KHDRBS2: variants seen among roughly 807,000 people sequenced by gnomAD.
KHDRBS2 encodes the protein KH domain-containing, RNA-binding, signal transduction-associated protein 2.
KHDRBS2 carries 26 observed loss-of-function variants against 44.3 expected under a neutral mutation model. That is an observed-to-expected ratio of 0.59 (90% CI 0.43 to 0.81). The LOEUF is 0.81. Ranked by LOEUF, KHDRBS2 falls within the 40% of genes least tolerant of loss-of-function variation. The pLI is 0.00. For synonymous variants in KHDRBS2, 194 were observed against 151.1 expected (o/e 1.28, Z -2.08); for missense variants, 476 against 433.1 (o/e 1.10, Z -0.88).
chr6:62,211,755 T>G (rs1484684404), intron 1 of KHDRBS2, among the ~76,000 whole-genome samples: 1 of 152,304 alleles, frequency 6.6e-6, no homozygotes, highest in South Asian at 2.1e-4. Context: ...GGGCGATACC[T>G]GAAAGACCTC....
At chr6:61,696,620 T>C (rs967574311) in intron 8 of KHDRBS2, among the ~76,000 whole-genome samples, 6 of 152,144 alleles carry the variant, frequency 3.9e-5, no homozygotes, top group Admixed American at 6.6e-5. Context: ...TGATATATCA[T>C]AGAAATTCAA....
chr6:62,014,078 T>C (rs1283538031), intron 3 of KHDRBS2, among the ~76,000 whole-genome samples: 1 of 152,160 alleles, frequency 6.6e-6, no homozygotes, highest in Non-Finnish European at 1.5e-5. Context: ...CTGATTAATA[T>C]TTCTAAGAAA....
intron 4 of KHDRBS2, among the ~76,000 whole-genome samples, chr6:61,956,324 C>T (rs902839242): frequency 6.6e-6 from 1 of 152,170 alleles, no homozygotes; most frequent in African/African-American, 2.4e-5. Flanking sequence ...TTTTTCTGTG[C>T]ACCATCAACT....
chr6:62,072,522 C>T (rs1795383884), intron 2 of KHDRBS2, among the ~76,000 whole-genome samples: 1 of 152,158 alleles, frequency 6.6e-6, no homozygotes, highest in East Asian at 1.9e-4. Flanking sequence ...CTCATTAATA[C>T]CTAATTTATT....
chr6:61,569,904 T>A, the KHDRBS2 span, among the ~76,000 whole-genome samples: 3 of 152,164 alleles, frequency 2.0e-5, no homozygotes, highest in Non-Finnish European at 4.4e-5. Flanking sequence ...AATTACCCCA[T>A]GAGACAAAAG....
intron 4 of KHDRBS2, among the ~76,000 whole-genome samples, chr6:61,924,306 T>A (rs960059754): frequency 6.6e-6 from 1 of 152,038 alleles, no homozygotes; most frequent in Non-Finnish European, 1.5e-5. Flanking sequence ...GCCATGGTAA[T>A]AGCTAGGAGG....
At chr6:61,654,155 C>T in the KHDRBS2 span, among the ~76,000 whole-genome samples, 1 of 152,130 alleles carries the variant, frequency 6.6e-6, no homozygotes, top group South Asian at 2.1e-4. Flanking sequence ...CCCTATCATT[C>T]TTTGTGAGTT....
chr6:61,640,700 A>G, the KHDRBS2 span, among the ~76,000 whole-genome samples: 1 of 152,150 alleles, frequency 6.6e-6, no homozygotes, highest in African/African-American at 2.4e-5. Flanking sequence ...TAAAAGACAG[A>G]GCACTTCTTT....
At chr6:61,895,774 G>GA (rs34314255) in intron 5 of KHDRBS2, among the ~76,000 whole-genome samples, 36 of 152,104 alleles carry the variant, frequency 2.4e-4, no homozygotes, top group African/African-American at 4.1e-4. Flanking sequence ...AAGCTTTGGG[G>GA]AAAAAAATGA....
At chr6:62,118,961 T>C (rs1318845407) in intron 2 of KHDRBS2, among the ~76,000 whole-genome samples, 1 of 152,190 alleles carries the variant, frequency 6.6e-6, no homozygotes, top group Non-Finnish European at 1.5e-5. Context: ...TGTGGTCATG[T>C]GAGTGAATAC....
At chr6:62,231,034 A>G (rs186149779) in intron 1 of KHDRBS2, among the ~76,000 whole-genome samples, 1 of 152,344 alleles carries the variant, frequency 6.6e-6, no homozygotes, top group Admixed American at 6.5e-5. Flanking sequence ...ATGAGCTATT[A>G]TACCTTCAAA....
At chr6:62,088,714 A>G (rs1798899977) in intron 2 of KHDRBS2, among the ~76,000 whole-genome samples, 1 of 152,178 alleles carries the variant, frequency 6.6e-6, no homozygotes, top group African/African-American at 2.4e-5. Flanking sequence ...GACCCACTTG[A>G]GAAGGCAGTC....
At chr6:62,204,635 C>T (rs997031033) in intron 1 of KHDRBS2, among the ~76,000 whole-genome samples, 17 of 152,052 alleles carry the variant, frequency 1.1e-4, no homozygotes, top group Non-Finnish European at 5.9e-5. Flanking sequence ...TATTAGAATG[C>T]TAGATATCCT....
intron 2 of KHDRBS2, among the ~76,000 whole-genome samples, chr6:62,175,467 T>TTA (rs1563003917): frequency 1.3e-5 from 2 of 151,530 alleles, no homozygotes; most frequent in African/African-American, 4.8e-5. Context: ...AAATGAAGAA[T>TTA]CTAAAATTAT....
At chr6:61,585,199 G>C in the KHDRBS2 span, among the ~76,000 whole-genome samples, 1 of 151,596 alleles carries the variant, frequency 6.6e-6, no homozygotes, top group Admixed American at 6.6e-5. Flanking sequence ...TTCAGTGCAT[G>C]AAAGAGTGAT....
At chr6:61,609,495 A>G in the KHDRBS2 span, among the ~76,000 whole-genome samples, 1 of 152,240 alleles carries the variant, frequency 6.6e-6, no homozygotes, top group Non-Finnish European at 1.5e-5. Context: ...CTTCTAGTGC[A>G]TATAATTTTC....
At chr6:62,213,282 G>C (rs1409172859) in intron 1 of KHDRBS2, among the ~76,000 whole-genome samples, 5 of 152,030 alleles carry the variant, frequency 3.3e-5, no homozygotes, top group Non-Finnish European at 7.4e-5. Flanking sequence ...AGCAAGTTTG[G>C]GGGAGAAGAT....
chr6:62,265,515 TAA>T (rs1290220666), intron 1 of KHDRBS2, among the ~76,000 whole-genome samples: 3 of 151,946 alleles, frequency 2.0e-5, no homozygotes, highest in Non-Finnish European at 4.4e-5. Flanking sequence ...AAGATGAATT[TAA>T]AAAGATGGAA....
intron 2 of KHDRBS2, among the ~76,000 whole-genome samples, chr6:62,065,123 T>C (rs1012756004): frequency 2.7e-4 from 41 of 151,370 alleles, no homozygotes; most frequent in Non-Finnish European, 5.3e-4. Context: ...CATTAAAAAG[T>C]CAGGAAACAA....
Sources: gnomAD v4.1 joint callset for allele counts (sites outside exome capture counted in the v4.1 genomes callset) on GRCh38, gnomAD v4.1.1 for gene constraint, MANE v1.5 for transcripts, NCBI Gene and HGNC (gene_info 2026-07-23, HGNC 2026-07-21) for gene names.